The following HPS5 variants were observed in gnomAD, a reference collection of about 807,000 sequenced individuals.
The protein encoded by HPS5 is BLOC-2 complex member HPS5.
Under a neutral mutation model 128.0 loss-of-function variants are expected in HPS5, and 83 were observed. The ratio of observed to expected loss-of-function variants is 0.65; its 90% CI spans 0.54 to 0.78. The LOEUF (loss-of-function observed/expected upper bound fraction) is 0.78. Ranked by LOEUF, HPS5 falls within the 30% of genes least tolerant of loss-of-function variation. The pLI, the probability that HPS5 is intolerant of heterozygous loss-of-function variation, is 0.00. For missense variants in HPS5, 1,281 were observed against 1,326.2 expected (o/e 0.97, Z 0.53); for synonymous variants, 475 against 470.2 (o/e 1.01, Z -0.13).
In HPS5 at chr11:18,310,794, C is replaced by T; in HGVS notation, c.424G>A (p.Asp142Asn). The T allele has an allele frequency of 1.9e-6, 3 of 1,614,140 alleles. No homozygotes were observed. Among genetic ancestry groups the T allele is most frequent in the Non-Finnish European group, 2.5e-6 (3 of 1,179,996 alleles). The change falls in exon 5 of 23, where the codon GAT (aspartate) becomes AAT (asparagine). Residue 142 changes from aspartate (D) to asparagine (N), a missense_variant. By Grantham distance (23) the Asp-to-Asn change is conservative (BLOSUM62 1). Transcript: ENST00000349215. ...DTAILRVFVG[D>N]HAGKVSAIKL... ...ATAGCAGAAACCTTCCCAGCATGAT[C>T]ACCTACAAAAACTCTAAGAATAGCT...
At chr11:18,319,663 T>C (rs577452896) in intron 1 of HPS5, among the ~76,000 whole-genome samples, 93 of 152,274 alleles carry the variant, frequency 6.1e-4, no homozygotes, top group African/African-American at 2.0e-3. Context: ...AATTGAAGAA[T>C]TGTGTGTTGG....
chr11:18,300,957 T>C (rs1861632731), intron 8 of HPS5, 41 bp from the exon 9 acceptor site: 1 of 1,165,366 alleles, frequency 8.6e-7, no homozygotes, highest in South Asian at 1.2e-5. Flanking sequence ...TGTGCTAGGA[T>C]ACAAAAGTTT....
rs542874788 is a variant in HPS5, at chr11:18,317,625, A to G, written c.108+126T>C. 1.7e-4 allele frequency: 155 copies of G among 890,234 alleles called. No homozygotes were observed. In the South Asian group the frequency reaches 2.4e-3, roughly 14 times the overall value. 55.1% of individuals were successfully genotyped at this position (890,234 alleles called of 1,614,324 possible). On this transcript the variant is annotated intron_variant, in intron 2 of 22. Coordinates refer to ENST00000349215, the MANE Select transcript of HPS5 (RefSeq NM_181507.2). ...TTTATTTTCTTCTTTTTTTTCCCCC[A>G]CAAAAGTATGACTAGGACAGGTAAG...
chr11:18,301,299 T>C (rs536602169), intron 8 of HPS5, among the ~76,000 whole-genome samples: 111 of 151,478 alleles, frequency 7.3e-4, no homozygotes, highest in South Asian at 1.5e-3. Context: ...CTATTAAAAA[T>C]AGAAAAATTA....
intron 21 of HPS5, among the ~76,000 whole-genome samples, chr11:18,283,293 C>T (rs1187891675): frequency 2.7e-5 from 4 of 150,164 alleles, no homozygotes; most frequent in African/African-American, 9.8e-5. Flanking sequence ...TGAGCCACCG[C>T]GCCTGGCCAG....
chr11:18,313,172 T>C (rs1250155640), intron 2 of HPS5, among the ~76,000 whole-genome samples: 1 of 152,042 alleles, frequency 6.6e-6, no homozygotes, highest in Non-Finnish European at 1.5e-5. Context: ...TTGAAGGAAG[T>C]ACATAGTTCT....
chr11:18,291,956 C>G lies in HPS5; in HGVS notation c.1926G>C (p.Glu642Asp). Residue 642 changes from glutamate to aspartate, a missense_variant, in exon 16 of 23, where the codon GAG becomes GAC. Coordinates refer to ENST00000349215, the MANE Select transcript of HPS5 (RefSeq NM_181507.2). ...ESESLRMVLQ[E>D]WLSHLEKTFA... ...ATGTTTTTTCTAAATGTGAAAGCCACTCCTGTAAAACCATTCTCAGAGACT... is the reference window on the plus strand; with the variant it reads ...ATGTTTTTTCTAAATGTGAAAGCCAGTCCTGTAAAACCATTCTCAGAGACT... The G allele has an allele frequency of 6.2e-7, 1 of 1,612,426 alleles. No individual in the cohort carries two copies. The highest frequency in any genetic ancestry group is 8.5e-7 in the Non-Finnish European group (1 of 1,179,636).
intron 2 of HPS5, chr11:18,314,465 T>A (rs1414066323): frequency 6.6e-6 from 1 of 151,850 alleles, no homozygotes; most frequent in African/African-American, 2.4e-5. Context: ...GGAGGCAGAG[T>A]TTGCAGAGAG....
At chr11:18,293,076 C>T in intron 14 of HPS5, 100 bp from the exon 15 acceptor site, 1 of 900,420 alleles carries the variant, frequency 1.1e-6, no homozygotes. Flanking sequence ...GGCTGCAGTG[C>T]AGTGACGTGA....
rs75482179 is a variant in HPS5 at position 18,282,050 on chromosome 11, G to A, written c.3229C>T (p.Arg1077Trp). The A allele has an allele frequency of 9.0e-4, 1,455 of 1,614,162 alleles. 11 individuals carry two copies. The East Asian group carries it at 0.024, about 27-fold the overall frequency. The change falls in exon 22 of 23, where the codon CGG (arginine) becomes TGG (tryptophan). Residue 1077 changes from arginine (R) to tryptophan (W), a missense_variant. Transcript: ENST00000349215. ...LLLAKAMGPD[R>W]AWSLLQECGL... ...CATTCCTGTAGCAGTGACCAAGCCC[G>A]ATCTGGGCCCATGGCCTTAGCTAAC...
Position 18,293,611 on chromosome 11 carries a change from T to A in HPS5, c.1785-635A>T, listed in dbSNP as rs1860710581. Among the ~76,000 whole-genome samples the A allele has an allele frequency of 2.0e-5, 3 of 152,114 alleles. No homozygotes were observed. In the South Asian group the frequency reaches 6.2e-4, roughly 32 times the overall value. ...AGAAAGGCATGCAAACAACTAAGTA[T>A]AATTTAAAAAAAGAGTAAGTTGAAC... is the stretch of plus-strand genomic sequence containing the variant. On this transcript the variant is annotated intron_variant, in intron 14 of 22. Coordinates refer to ENST00000349215, the MANE Select transcript of HPS5 (RefSeq NM_181507.2).
Position 18,281,943 on chromosome 11 carries a change from A to G in HPS5, c.3329+7T>C, listed in dbSNP as rs757073977. 3.1e-6 allele frequency: 5 copies of G among 1,614,096 alleles called. No homozygotes were observed. The highest frequency in any genetic ancestry group is 3.4e-6 in the Non-Finnish European group (4 of 1,180,012). ...ACTATGCAGAGGGTAGGACAAACTG[A>G]TATTACCTCTGCCTTTTCTCAGCAA... On this transcript the variant is annotated splice_region_variant and intron_variant, in intron 22 of 22. Coordinates refer to ENST00000349215, the MANE Select transcript of HPS5 (RefSeq NM_181507.2).
chr11:18,319,255 CCACACACACACA>C (rs10531816), intron 1 of HPS5, among the ~76,000 whole-genome samples: 11 of 139,116 alleles, frequency 7.9e-5, no homozygotes, highest in East Asian at 2.1e-4. Flanking sequence ...AAGACAAATA[CCACACACACACA>C]CACACACACA....
rs2124373 is a variant in HPS5, at chr11:18,292,190, T to G, written c.1863-171A>C. Among the ~76,000 whole-genome samples the G allele has an allele frequency of 0.029, 4,449 of 151,072 alleles. 110 individuals carry two copies. The highest frequency in any genetic ancestry group is 0.062 in the African/African-American group (2,545 of 41,188). On this transcript the variant is annotated intron_variant, in intron 15 of 22. Coordinates refer to ENST00000349215, the MANE Select transcript of HPS5 (RefSeq NM_181507.2). ...CAACAAGATGACAAAACAGAGAACA[T>G]AAACTTTGTAGTGTTTTACTTTTTT...
chr11:18,297,658 G>C lies in HPS5; in HGVS notation c.1224C>G (p.Gly408=), dbSNP rs761873766. Residue 408 remains glycine, a synonymous_variant, in exon 11 of 23, where the codon GGC becomes GGG. Transcript: ENST00000349215. ...GTTGAGAAATTAGATCATTGTAGGT[G>C]CCATGGTCCAGCTGAGATTTCAAAT... ...LEHLKSQLDH[G]TYNDLISQLE... is the part of the protein sequence containing the mutation. The C allele has an allele frequency of 1.2e-6, 2 of 1,613,796 alleles. No homozygotes were observed. Among genetic ancestry groups the C allele is most frequent in the South Asian group, 1.1e-5 (1 of 91,074 alleles).
At chr11:18,311,710 C>T (rs1863036246) in intron 3 of HPS5, 1 of 600,138 alleles carries the variant, frequency 1.7e-6, no homozygotes, top group South Asian at 1.8e-5. Context: ...GGGGTTTCAC[C>T]ATGTTGGCCA....
chr11:18,285,891 TA>T (rs1859649297), intron 19 of HPS5, among the ~76,000 whole-genome samples: 2 of 152,218 alleles, frequency 1.3e-5, no homozygotes, highest in African/African-American at 4.8e-5. Context: ...AGGTTATGTC[TA>T]AAAATTCCTT....
At chr11:18,309,269 C>G (rs764065598) in intron 5 of HPS5, among the ~76,000 whole-genome samples, 190 bp from the exon 6 acceptor site, 3 of 152,148 alleles carry the variant, frequency 2.0e-5, no homozygotes, top group African/African-American at 7.2e-5. Context: ...TAATCTGGTA[C>G]GTAACTGCAG....
At chr11:18,303,595 T>C (rs919558942) in intron 8 of HPS5, among the ~76,000 whole-genome samples, 3 of 152,048 alleles carry the variant, frequency 2.0e-5, no homozygotes, top group East Asian at 1.9e-4. Context: ...CTAGAAAACA[T>C]ATTCTTGGGT....
Sources: gnomAD v4.1 joint callset for allele counts (sites outside exome capture counted in the v4.1 genomes callset) on GRCh38, gnomAD v4.1.1 for gene constraint, MANE v1.5 for transcripts, NCBI Gene and HGNC (gene_info 2026-07-23, HGNC 2026-07-21) for gene names.